Variants in GADL1 observed in about 807,000 individuals in gnomAD.
GADL1 encodes acidic amino acid decarboxylase GADL1.
A neutral mutation model predicts 69.5 loss-of-function variants in GADL1; 71 were observed. That is an observed-to-expected ratio of 1.02 (90% CI 0.84 to 1.25). The LOEUF (loss-of-function observed/expected upper bound fraction) is 1.25, where lower values mean the gene tolerates loss of function less well. GADL1 is among the 50% of genes most tolerant of loss of function. GADL1 has a pLI of 0.00. For missense variants in GADL1, 737 were observed against 631.8 expected (o/e 1.17, Z -1.79); for synonymous variants, 254 against 214.4 (o/e 1.18, Z -1.62).
chr3:30,763,984 AATAC>A (rs1039537034), intron 14 of GADL1, among the ~76,000 whole-genome samples: 10 of 152,186 alleles, frequency 6.6e-5, no homozygotes, highest in African/African-American at 2.4e-4. Context: ...CAAAGAATAA[AATAC>A]ATAAAATATT....
intron 1 of GADL1, among the ~76,000 whole-genome samples, chr3:30,878,435 T>C (rs900009326): frequency 2.0e-5 from 3 of 151,954 alleles, no homozygotes; most frequent in Non-Finnish European, 4.4e-5. Context: ...ACTTTAGGTA[T>C]AGAAATGCAA....
At chr3:30,765,776 G>T (rs1696262034) in intron 14 of GADL1, among the ~76,000 whole-genome samples, 1 of 152,100 alleles carries the variant, frequency 6.6e-6, no homozygotes, top group South Asian at 2.1e-4. Context: ...CATCTCCCCT[G>T]CAATCTACTG....
intron 14 of GADL1, among the ~76,000 whole-genome samples, chr3:30,752,993 T>C (rs180788390): frequency 6.6e-6 from 1 of 152,250 alleles, no homozygotes; most frequent in East Asian, 1.9e-4. Context: ...AGTATTTAAA[T>C]ATTAAATTTT....
At chr3:30,729,158 T>TTAAAC (rs1695416446) in intron 14 of GADL1, among the ~76,000 whole-genome samples, 3 of 152,140 alleles carry the variant, frequency 2.0e-5, no homozygotes, top group African/African-American at 7.2e-5. Flanking sequence ...GATACACAGA[T>TTAAAC]TTTTCTAAAA....
At chr3:30,729,733 A>C (rs137993887) in intron 14 of GADL1, among the ~76,000 whole-genome samples, 45 of 152,334 alleles carry the variant, frequency 3.0e-4, no homozygotes, top group Middle Eastern at 3.4e-3. Context: ...TTATGTGTTG[A>C]ACTTAACCAC....
At chr3:30,829,137 C>G (rs1211318464) in intron 11 of GADL1, among the ~76,000 whole-genome samples, 1 of 148,502 alleles carries the variant, frequency 6.7e-6, no homozygotes. Context: ...CCAAAACAGC[C>G]ACGCAAATCC....
intron 14 of GADL1, among the ~76,000 whole-genome samples, chr3:30,761,415 C>T (rs1158207684): frequency 6.6e-6 from 1 of 152,100 alleles, no homozygotes; most frequent in African/African-American, 2.4e-5. Flanking sequence ...CTTCCAGGCA[C>T]CCAGTGTCGG....
At chr3:30,761,070 G>GA (rs1047707665) in intron 14 of GADL1, among the ~76,000 whole-genome samples, 7 of 152,290 alleles carry the variant, frequency 4.6e-5, no homozygotes, top group South Asian at 4.1e-4. Context: ...ATTTTGAATG[G>GA]AAAAAAGCTA....
At chr3:30,812,078 C>A (rs906749922) in intron 11 of GADL1, among the ~76,000 whole-genome samples, 1 of 152,132 alleles carries the variant, frequency 6.6e-6, no homozygotes, top group Non-Finnish European at 1.5e-5. Flanking sequence ...ATCTGACTTA[C>A]TTTTTTGCTA....
intron 14 of GADL1, among the ~76,000 whole-genome samples, chr3:30,730,933 C>T (rs1191555844): frequency 6.6e-6 from 1 of 152,142 alleles, no homozygotes; most frequent in Non-Finnish European, 1.5e-5. Flanking sequence ...TCTGACCCAC[C>T]ATATTGTACT....
At chr3:30,858,393 C>T (rs1210830307) in intron 2 of GADL1, among the ~76,000 whole-genome samples, 3 of 151,882 alleles carry the variant, frequency 2.0e-5, no homozygotes, top group Non-Finnish European at 4.4e-5. Flanking sequence ...TGTGGAGGTT[C>T]CCAATAAAAT....
intron 14 of GADL1, among the ~76,000 whole-genome samples, chr3:30,767,263 C>G (rs1267758335): frequency 6.6e-6 from 1 of 151,912 alleles, no homozygotes; most frequent in Non-Finnish European, 1.5e-5. Context: ...TTAAAAGATG[C>G]CCTTTTTAAC....
chr3:30,777,804 A>T (rs1696569763), intron 14 of GADL1, among the ~76,000 whole-genome samples: 1 of 152,342 alleles, frequency 6.6e-6, no homozygotes, highest in Non-Finnish European at 1.5e-5. Context: ...TATCAGATTT[A>T]GACTTCTAAC....
chr3:30,802,447 C>T (rs1697182708), intron 11 of GADL1, among the ~76,000 whole-genome samples: 1 of 147,802 alleles, frequency 6.8e-6, no homozygotes, highest in South Asian at 2.1e-4. Flanking sequence ...ATTTTCCAAA[C>T]TTTAACAATG....
chr3:30,816,530 C>CTTTTTTTTTTTTTTTTTT lies in GADL1; in HGVS notation c.1051-15460_1051-15443dup, dbSNP rs773530741. The stretch of plus-strand genomic sequence containing the variant: ...AGACCATATATTCTTAATTTGTTTT[C>CTTTTTTTTTTTTTTTTTT]TTTTTTTTTTTTTTTTTTTTTTTTT... On this transcript the variant is annotated intron_variant, in intron 11 of 14. Transcript: ENST00000282538. Among the ~76,000 whole-genome samples the CTTTTTTTTTTTTTTTTTT allele has an allele frequency of 4.8e-4, 26 of 53,986 alleles. 8 individuals are homozygous for CTTTTTTTTTTTTTTTTTT. The highest frequency in any genetic ancestry group is 9.0e-4 in the Non-Finnish European group (23 of 25,432). 35.4% of individuals were successfully genotyped at this position (53,986 alleles called of 152,430 possible).
rs773530741 is a variant in GADL1 at position 30,816,530 on chromosome 3, C to CTTTTTTTTTTTTTTTTTTTTTTTT, written c.1051-15466_1051-15443dup. Among the ~76,000 whole-genome samples the CTTTTTTTTTTTTTTTTTTTTTTTT allele has an allele frequency of 4.8e-4, 26 of 53,986 alleles. 9 individuals carry two copies. The highest frequency in any genetic ancestry group is 8.7e-4 in the Non-Finnish European group (22 of 25,432). 35.4% of individuals were successfully genotyped at this position (53,986 alleles called of 152,430 possible). On this transcript the variant is annotated intron_variant, in intron 11 of 14. Coordinates refer to ENST00000282538, the MANE Select transcript of GADL1 (RefSeq NM_207359.3). ...AGACCATATATTCTTAATTTGTTTT[C>CTTTTTTTTTTTTTTTTTTTTTTTT]TTTTTTTTTTTTTTTTTTTTTTTTT...
intron 9 of GADL1, among the ~76,000 whole-genome samples, chr3:30,836,455 T>G (rs1242002111): frequency 1.3e-5 from 2 of 151,854 alleles, no homozygotes. Flanking sequence ...GCACTCTAAT[T>G]CCTAACTCCA....
intron 14 of GADL1, among the ~76,000 whole-genome samples, chr3:30,760,569 C>T (rs903831740): frequency 3.3e-5 from 5 of 152,128 alleles, no homozygotes; most frequent in African/African-American, 4.8e-5. Context: ...TCTTCCAGGC[C>T]ATCTATACAC....
At chr3:30,829,088 C>T (rs1346539800) in intron 11 of GADL1, among the ~76,000 whole-genome samples, 1 of 151,792 alleles carries the variant, frequency 6.6e-6, no homozygotes, top group Admixed American at 6.6e-5. Flanking sequence ...GAATATATTG[C>T]CTTTTATTTT....
Sources: allele counts gnomAD v4.1 joint callset (sites outside exome capture counted in the v4.1 genomes callset), GRCh38; gene constraint gnomAD v4.1.1; transcripts MANE v1.5; gene names NCBI Gene and HGNC (gene_info 2026-07-23, HGNC 2026-07-21).